LMLN: variants seen among roughly 807,000 people sequenced by gnomAD.
LMLN encodes leishmanolysin-like peptidase.
LMLN carries 70 observed loss-of-function variants against 92.3 expected under a neutral mutation model. The observed-to-expected ratio is 0.76, with a 90% CI of 0.63 to 0.92. The LOEUF (loss-of-function observed/expected upper bound fraction) is 0.92. LMLN is among the 40% of genes least tolerant of loss of function. The probability of loss-of-function intolerance (pLI) is 0.00; values close to 1 mark genes in which losing one functional copy is unlikely to be tolerated. For missense variants in LMLN, 691 were observed against 814.6 expected, an observed-to-expected ratio of 0.85 and a Z score of 1.85; for synonymous variants, 308 against 296.2, an observed-to-expected ratio of 1.04 and a Z score of -0.41.
At chr3:197,975,570 C>T (rs1051964461) in intron 3 of LMLN, among the ~76,000 whole-genome samples, 4 of 151,742 alleles carry the variant, frequency 2.6e-5, no homozygotes, top group African/African-American at 4.8e-5. Context: ...TCACTATGGG[C>T]GACAGAAATT....
At position 197,990,544 on chromosome 3, in the gene LMLN, A is replaced by C; in HGVS notation, c.930-15A>C. On this transcript the variant is annotated splice_polypyrimidine_tract_variant and intron_variant, in intron 8 of 15. Transcript: ENST00000330198. Reference sequence around the variant, plus strand: ...AATTTTCAGTAATAATTGTGTTTTAATTCTATAATTACAGTCTGGGATTAT... The same window carrying C: ...AATTTTCAGTAATAATTGTGTTTTACTTCTATAATTACAGTCTGGGATTAT... 9.0e-7 allele frequency: 1 copy of C among 1,108,582 alleles called. No homozygotes were observed. The highest frequency in any genetic ancestry group is 2.4e-5 in the East Asian group (1 of 42,358). 68.7% of individuals were successfully genotyped at this position (1,108,582 alleles called of 1,614,324 possible). A position where few individuals can be genotyped will look rare whatever the true frequency, so the allele number is the denominator to read the frequency against.
chr3:198,002,902 C>G (rs1189818731), intron 11 of LMLN, 113 bp from the exon 12 acceptor site: 3 of 623,580 alleles, frequency 4.8e-6, no homozygotes, highest in Non-Finnish European at 8.4e-6. Flanking sequence ...CTCTGGCCTC[C>G]AAAATCTTTC....
chr3:197,978,182 A>G (rs1301815270), intron 5 of LMLN, among the ~76,000 whole-genome samples: 1 of 152,216 alleles, frequency 6.6e-6, no homozygotes, highest in African/African-American at 2.4e-5. Context: ...AAAATCATCA[A>G]ACATCTGGAA....
chr3:198,027,161 C>T (rs1053379823), intron 14 of LMLN, among the ~76,000 whole-genome samples: 1 of 152,096 alleles, frequency 6.6e-6, no homozygotes, highest in Non-Finnish European at 1.5e-5. Context: ...CATGTTTACT[C>T]ATCTGATCTA....
chr3:198,010,735 G>A (rs1053023456), intron 11 of LMLN, among the ~76,000 whole-genome samples: 16 of 152,286 alleles, frequency 1.1e-4, no homozygotes, highest in African/African-American at 3.8e-4. Flanking sequence ...ATAGTCGTGA[G>A]CCACTGTGCC....
intron 9 of LMLN, among the ~76,000 whole-genome samples, chr3:197,995,734 T>C (rs1417078198): frequency 6.6e-6 from 1 of 152,116 alleles, no homozygotes; most frequent in African/African-American, 2.4e-5. Context: ...AAATTTAAAA[T>C]ATTCTCACAA....
Position 198,006,281 on chromosome 3 carries a change from G to A in LMLN, c.1232+6939G>A, listed in dbSNP as rs567430124. Among the ~76,000 whole-genome samples the A allele has an allele frequency of 7.9e-5, 12 of 152,190 alleles. No homozygotes were observed. The South Asian group carries it at 1.5e-3, about 18-fold the overall frequency. The stretch of plus-strand genomic sequence containing the variant: ...ACTTTTCATGGCTGGTTAATATTCC[G>A]CAGTATGATACACCACAGTTTGTTT... On this transcript the variant is annotated intron_variant, in intron 11 of 15. Coordinates refer to ENST00000330198, the Ensembl canonical transcript of LMLN.
chr3:198,030,310 G>T (rs1268457257), intron 14 of LMLN, among the ~76,000 whole-genome samples: 1 of 152,168 alleles, frequency 6.6e-6, no homozygotes, highest in African/African-American at 2.4e-5. Context: ...TCCTCCCAGT[G>T]GTGATTATGG....
Position 198,019,127 on chromosome 3 carries a change from C to A in LMLN, c.1233-126C>A. On this transcript the variant is annotated intron_variant, in intron 11 of 15. Coordinates refer to ENST00000330198, the Ensembl canonical transcript of LMLN. This position sits in a 1 kb window ranked among gnomAD's most constrained non-coding sequence, Gnocchi z 5.5. ...ATTGCCTCCATCTCTTTCCAAGAAT[C>A]CCATTTGTTAATTATGAAGGTTTGT... The A allele has an allele frequency of 1.1e-6, 1 of 919,742 alleles. No homozygotes were observed. Among genetic ancestry groups the A allele is most frequent in the Non-Finnish European group, 1.6e-6 (1 of 624,260 alleles). The allele number at this position is 919,742 out of a possible 1,614,324, so 57.0% of individuals were successfully genotyped here.
chr3:197,976,708 A>G, exon 5 of LMLN: 1 of 1,504,814 alleles, frequency 6.6e-7, no homozygotes, highest in Non-Finnish European at 9.1e-7. Flanking sequence ...CCTGAGGAAC[A>G]TCTCCAGGTA....
intron 9 of LMLN, among the ~76,000 whole-genome samples, chr3:197,994,056 GGATATC>G (rs1375627609): frequency 2.0e-5 from 3 of 152,072 alleles, no homozygotes; most frequent in African/African-American, 7.2e-5. Context: ...TGGGAGAACT[GGATATC>G]CATATGCAGA....
intron 11 of LMLN, among the ~76,000 whole-genome samples, chr3:198,012,209 C>T (rs1319585289): frequency 2.6e-5 from 4 of 152,224 alleles, no homozygotes; most frequent in South Asian, 4.1e-4. Context: ...GGACTACAGG[C>T]GCCCACCACC....
At chr3:197,974,450 C>G in exon 2 of LMLN, 1 of 1,575,200 alleles carries the variant, frequency 6.3e-7, no homozygotes, top group Non-Finnish European at 8.7e-7. Flanking sequence ...AGAATCAAGA[C>G]TGTCTATGAT....
chr3:197,983,909 A>G (rs776149405), intron 6 of LMLN, 34 bp from the exon 7 acceptor site: 7 of 1,333,706 alleles, frequency 5.2e-6, no homozygotes, highest in Non-Finnish European at 6.5e-6. Flanking sequence ...TTGTTCTGGA[A>G]TGTAATTTAA....
intron 11 of LMLN, among the ~76,000 whole-genome samples, chr3:198,011,098 G>T (rs556087341): frequency 6.6e-6 from 1 of 151,854 alleles, no homozygotes; most frequent in East Asian, 1.9e-4. Flanking sequence ...CCCAAGATAT[G>T]GTCTTATCTT....
chr3:198,024,655 C>A lies in LMLN; in HGVS notation c.1526-3C>A. ...TTAAGGAGACTTTTCTTCTTTGCCT[C>A]AGAAATTTTTAAGAACTATGGCGCT... On this transcript the variant is annotated splice_polypyrimidine_tract_variant and splice_region_variant and intron_variant, in intron 13 of 15. Transcript: ENST00000330198. 6.4e-7 allele frequency: 1 copy of A among 1,561,154 alleles called. No homozygotes were observed. The highest frequency in any genetic ancestry group is 8.6e-7 in the Non-Finnish European group (1 of 1,159,148).
intron 10 of LMLN, among the ~76,000 whole-genome samples, chr3:197,998,661 A>C (rs145851667): frequency 6.6e-6 from 1 of 152,340 alleles, no homozygotes; most frequent in African/African-American, 2.4e-5. Context: ...TCCAAAGATG[A>C]AATAAGCTCT....
chr3:198,021,740 G>A, intron 13 of LMLN, 135 bp downstream of exon 14: 1 of 675,068 alleles, frequency 1.5e-6, no homozygotes, highest in South Asian at 2.3e-5. Context: ...CTATCCATAT[G>A]TAAGAAGTGA....
chr3:198,035,021 C>G (rs1560158646), intron 14 of LMLN, among the ~76,000 whole-genome samples: 1 of 151,920 alleles, frequency 6.6e-6, no homozygotes, highest in Non-Finnish European at 1.5e-5. Flanking sequence ...ATGACAAAAC[C>G]CAAACCCCAT....
Sources: allele counts gnomAD v4.1 joint callset (sites outside exome capture counted in the v4.1 genomes callset), GRCh38; gene constraint gnomAD v4.1.1; non-coding constraint Gnocchi (gnomAD v3.1); transcripts MANE v1.5; gene names NCBI Gene and HGNC (gene_info 2026-07-23, HGNC 2026-07-21).